The following RBM20 variants were observed in gnomAD, a reference collection of about 807,000 sequenced individuals.
The protein encoded by RBM20 is RNA binding motif protein 20.
Under a neutral mutation model 110.1 loss-of-function variants are expected in RBM20, and 51 were observed. That is an observed-to-expected ratio of 0.46 (90% confidence interval 0.37 to 0.59). The LOEUF (loss-of-function observed/expected upper bound fraction) is 0.59, where lower values mean the gene tolerates loss of function less well. RBM20 is among the 20% of genes least tolerant of loss of function. The pLI is 0.00. For missense variants in RBM20, 1,512 were observed against 1,574.9 expected, an observed-to-expected ratio of 0.96 and a Z score of 0.68; for synonymous variants, 589 against 618.2, an observed-to-expected ratio of 0.95 and a Z score of 0.70.
At chr10:110,741,011 G>A (rs1434301507) in intron 1 of RBM20, among the ~76,000 whole-genome samples, 2 of 152,080 alleles carry the variant, frequency 1.3e-5, no homozygotes, top group Admixed American at 6.5e-5. Context: ...TTGATTGGGT[G>A]GCATTCACCT....
chr10:110,819,568 T>C (rs1844882104), intron 9 of RBM20, among the ~76,000 whole-genome samples: 1 of 152,112 alleles, frequency 6.6e-6, no homozygotes, highest in Non-Finnish European at 1.5e-5. Flanking sequence ...GGAGTGTTAG[T>C]TTGGGCTATC....
intron 1 of RBM20, among the ~76,000 whole-genome samples, chr10:110,650,951 G>C (rs1861937256): frequency 6.6e-6 from 1 of 152,206 alleles, no homozygotes; most frequent in African/African-American, 2.4e-5. Context: ...ATTTTCAGGT[G>C]TAAAATGAGC....
At chr10:110,745,470 C>A (rs545552956) in intron 1 of RBM20, among the ~76,000 whole-genome samples, 1 of 152,290 alleles carries the variant, frequency 6.6e-6, no homozygotes, top group East Asian at 1.9e-4. Flanking sequence ...ACTCCTGTCC[C>A]CACTAGCTTT....
rs908965183 is a variant in RBM20 at position 110,799,941 on chromosome 10, C to G, written c.1800+23C>G. On this transcript the variant is annotated intron_variant, in intron 7 of 13. Transcript: ENST00000369519. ...AAGGTAAAGCATTATCTTGCTCATTCAGTCATTCAACAAGCACCAGATGAG... is the reference window on the plus strand; with the variant it reads ...AAGGTAAAGCATTATCTTGCTCATTGAGTCATTCAACAAGCACCAGATGAG... The G allele has an allele frequency of 1.9e-6, 3 of 1,550,530 alleles. No homozygotes were observed. In the African/African-American group the frequency reaches 4.1e-5, roughly 21 times the overall value.
intron 3 of RBM20, among the ~76,000 whole-genome samples, chr10:110,784,048 G>A (rs1414179574): frequency 6.6e-6 from 1 of 152,164 alleles, no homozygotes; most frequent in Non-Finnish European, 1.5e-5. Flanking sequence ...ACATTTTCAA[G>A]GTACATCCAT....
At chr10:110,662,266 C>T (rs762629727) in intron 1 of RBM20, among the ~76,000 whole-genome samples, 12 of 152,282 alleles carry the variant, frequency 7.9e-5, no homozygotes, top group South Asian at 2.1e-4. Context: ...AAGCCACTTG[C>T]GGTTCACAAA....
intron 1 of RBM20, among the ~76,000 whole-genome samples, chr10:110,662,682 C>A (rs1362449378): frequency 2.6e-5 from 4 of 152,196 alleles, no homozygotes; most frequent in Non-Finnish European, 4.4e-5. Flanking sequence ...GATACACACA[C>A]AAAAATTTTT....
At chr10:110,659,681 A>G (rs73355008) in intron 1 of RBM20, among the ~76,000 whole-genome samples, 4,485 of 152,018 alleles carry the variant, frequency 0.03, 223 homozygotes, top group African/African-American at 0.1. Flanking sequence ...GCCCTAAGCT[A>G]GCATCTGCCT....
chr10:110,781,426 G>A lies in RBM20; in HGVS notation c.817G>A (p.Asp273Asn), dbSNP rs1254745089. 6.4e-7 allele frequency: 1 copy of A among 1,551,540 alleles called. No homozygotes were observed. The highest frequency in any genetic ancestry group is 1.4e-5 in the African/African-American group (1 of 73,068). The stretch of plus-strand genomic sequence containing the variant: ...AGGGCACTACAGCCACACAGGGCAG[G>A]ATGGTCAAGCTGCCTTTTCCAAAGA... ...YEGHYSHTGQ[D>N]GQAAFSKDFY... The change falls in exon 2 of 14, where the codon GAT (aspartate) becomes AAT (asparagine). Residue 273 changes from aspartate (D) to asparagine (N), a missense_variant. Asp to Asn is a conservative substitution (Grantham distance 23). Transcript: ENST00000369519.
intron 1 of RBM20, among the ~76,000 whole-genome samples, chr10:110,747,304 G>C (rs12267545): frequency 6.6e-6 from 1 of 150,574 alleles, no homozygotes; most frequent in Non-Finnish European, 1.5e-5. Flanking sequence ...TTTGGGGGGG[G>C]GGGTCATTCT....
chr10:110,697,905 T>G (rs1862689790), intron 1 of RBM20, among the ~76,000 whole-genome samples: 1 of 128,368 alleles, frequency 7.8e-6, no homozygotes, highest in Admixed American at 8.0e-5. Flanking sequence ...TTGTTTCTTT[T>G]TTTTTTTCTT....
chr10:110,733,419 G>T (rs1339199265), intron 1 of RBM20, among the ~76,000 whole-genome samples: 1 of 152,218 alleles, frequency 6.6e-6, no homozygotes, highest in Non-Finnish European at 1.5e-5. Context: ...TGACGATGTG[G>T]CTTCCAAATA....
At chr10:110,757,716 A>C (rs1843939107) in intron 1 of RBM20, among the ~76,000 whole-genome samples, 2 of 152,208 alleles carry the variant, frequency 1.3e-5, no homozygotes, top group South Asian at 4.1e-4. Flanking sequence ...TGGGGAATAA[A>C]AGGCAACTGG....
At chr10:110,812,994 G>A in intron 9 of RBM20, 47 bp downstream of exon 9, 1 of 1,266,724 alleles carries the variant, frequency 7.9e-7, no homozygotes, top group Non-Finnish European at 1.1e-6. Flanking sequence ...GGCCCTGAAG[G>A]AGAATAATCA....
In RBM20 at chr10:110,713,536, G is replaced by A. The variant is rs984710453; in HGVS notation, c.192-67265G>A. Among the ~76,000 whole-genome samples, 3 of 152,206 alleles carry A rather than the reference G, an allele frequency of 2.0e-5. No homozygotes were observed. The East Asian group carries it at 5.8e-4, about 29-fold the overall frequency. On this transcript the variant is annotated intron_variant, in intron 1 of 13. Transcript: ENST00000369519. ...ACACTTTGCACGCTACAGGGGCAGA[G>A]TAGTCATTTAATAATTCAGTACTGC...
At chr10:110,664,757 T>A (rs1010200281) in intron 1 of RBM20, among the ~76,000 whole-genome samples, 1 of 151,928 alleles carries the variant, frequency 6.6e-6, no homozygotes, top group Non-Finnish European at 1.5e-5. Flanking sequence ...AAAAAAATTT[T>A]TTAAAAAAGA....
chr10:110,768,002 C>CG, intron 1 of RBM20, among the ~76,000 whole-genome samples: 1 of 152,352 alleles, frequency 6.6e-6, no homozygotes, highest in South Asian at 2.1e-4. Flanking sequence ...CCGAGGCTGG[C>CG]GGATCACTCG....
chr10:110,783,886 A>G (rs1844386043), intron 3 of RBM20, among the ~76,000 whole-genome samples: 1 of 152,244 alleles, frequency 6.6e-6, no homozygotes, highest in Non-Finnish European at 1.5e-5. Flanking sequence ...ATACTCATTA[A>G]GTAATCACTC....
intron 1 of RBM20, among the ~76,000 whole-genome samples, chr10:110,683,791 C>A (rs762999583): frequency 6.6e-6 from 1 of 152,130 alleles, no homozygotes; most frequent in Non-Finnish European, 1.5e-5. Flanking sequence ...CTATTTCTAT[C>A]TACAGTTGAA....
Sources: allele counts gnomAD v4.1 joint callset (sites outside exome capture counted in the v4.1 genomes callset), GRCh38; gene constraint gnomAD v4.1.1; transcripts MANE v1.5; gene names NCBI Gene and HGNC (gene_info 2026-07-23, HGNC 2026-07-21).